The following WNT2B variants were observed in gnomAD, a reference collection of about 807,000 sequenced individuals.
WNT2B encodes the protein protein Wnt-2b.
In WNT2B, 19 loss-of-function variants were observed where a neutral mutation model predicts 40.5. The observed-to-expected ratio is 0.47, with a 90% CI of 0.33 to 0.69. WNT2B has a LOEUF of 0.69. Among genes scored for constraint, WNT2B ranks in the 30% least tolerant of loss-of-function variants. The pLI, the probability that WNT2B is intolerant of heterozygous loss-of-function variation, is 0.02. For missense variants in WNT2B, 467 were observed against 556.4 expected (o/e 0.84, Z 1.62); for synonymous variants, 220 against 211.9 (o/e 1.04, Z -0.33).
rs1349192894 is a variant in WNT2B at position 112,525,822 on chromosome 1, C to T, written c.*5313C>T. The T allele has an allele frequency of 1.5e-6, 1 of 683,698 alleles. No individual in the cohort carries two copies. The highest frequency in any genetic ancestry group is 1.8e-5 in the African/African-American group (1 of 55,846). The allele number at this position is 683,698 out of a possible 1,614,324, so 42.4% of individuals were successfully genotyped here. ...GAAGACAATTTCATCTACAGTTGTC[C>T]TTTTTGACAGCTTCCAAGGGGGGTT... On this transcript the variant is annotated 3_prime_UTR_variant, in exon 5 of 5. Transcript: ENST00000369684.
chr1:112,473,161 AAG>A (rs1190526929), intron 1 of WNT2B, among the ~76,000 whole-genome samples: 11 of 22,284 alleles, frequency 4.9e-4, no homozygotes, highest in East Asian at 5.5e-3. Context: ...AAGGAAAAGA[AAG>A]AGAGGAAGGG....
intron 1 of WNT2B, among the ~76,000 whole-genome samples, chr1:112,492,217 G>A (rs1651624393): frequency 1.3e-5 from 2 of 152,122 alleles, no homozygotes; most frequent in African/African-American, 2.4e-5. Flanking sequence ...CATCGCCCCA[G>A]CCTAACAATA....
At chr1:112,473,836 C>T (rs1650968293) in intron 1 of WNT2B, among the ~76,000 whole-genome samples, 1 of 149,998 alleles carries the variant, frequency 6.7e-6, no homozygotes, top group African/African-American at 2.5e-5. Context: ...GCGGGTGGAT[C>T]ATGAGGTCAG....
chr1:112,472,559 GA>G (rs35939097), intron 1 of WNT2B, among the ~76,000 whole-genome samples: 5,952 of 88,988 alleles, frequency 0.067, 363 homozygotes, highest in African/African-American at 0.2. Context: ...CCCAACCAAT[GA>G]AAAAAAAAAA....
intron 1 of WNT2B, among the ~76,000 whole-genome samples, chr1:112,488,384 C>T (rs182052289): frequency 1.3e-5 from 2 of 152,162 alleles, no homozygotes; most frequent in Admixed American, 6.5e-5. Context: ...ACGATTATGG[C>T]ACCTGAGTCA....
intron 1 of WNT2B, among the ~76,000 whole-genome samples, chr1:112,489,157 G>A (rs565787799): frequency 6.6e-6 from 1 of 152,110 alleles, no homozygotes; most frequent in South Asian, 2.1e-4. Context: ...AAATTGTGGT[G>A]GCTATCACTA....
In WNT2B at chr1:112,515,099, G is replaced by A; in HGVS notation, c.403+5G>A. ...TTGGCCGTGTCATGCTCAGAAGTAA[G>A]AGCCTCTTCCATCCTGTGTCAGCTC... On this transcript the variant is annotated splice_donor_5th_base_variant and intron_variant, in intron 2 of 4. Transcript: ENST00000369684. This position sits in a 1 kb window ranked among gnomAD's most constrained non-coding sequence, Gnocchi z 4.4. The A allele has an allele frequency of 1.2e-6, 2 of 1,613,488 alleles. No individual in the cohort carries two copies. Among genetic ancestry groups the A allele is most frequent in the Non-Finnish European group, 8.5e-7 (1 of 1,179,662 alleles).
At chr1:112,508,892 G>T, upstream of WNT2B, 1 of 1,049,274 alleles carries the variant, frequency 9.5e-7, no homozygotes, top group Non-Finnish European at 1.1e-6. This position sits in a 1 kb window ranked among gnomAD's most constrained non-coding sequence, Gnocchi z 4.2. Context: ...GCCGCCCTAA[G>T]GGCCGCGCGT....
rs1338365349 is a variant in WNT2B at position 112,509,167 on chromosome 1, C to T, written c.-96C>T. On this transcript the variant is annotated 5_prime_UTR_variant, in exon 1 of 5. Transcript: ENST00000369684. This position sits in a 1 kb window ranked among gnomAD's most constrained non-coding sequence, Gnocchi z 4.2. ...CCCCAGCCGCCGGCGAACACCATGGCCCCCCAGGGGGGTGAGGTAGGAGCA... is the reference window on the plus strand; with the variant it reads ...CCCCAGCCGCCGGCGAACACCATGGTCCCCCAGGGGGGTGAGGTAGGAGCA... 3.7e-5 allele frequency: 51 copies of T among 1,385,418 alleles called. No homozygotes were observed. The highest frequency in any genetic ancestry group is 4.6e-5 in the Non-Finnish European group (50 of 1,079,222). The allele number at this position is 1,385,418 out of a possible 1,614,324, so 85.8% of individuals were successfully genotyped here. A position where few individuals can be genotyped will look rare whatever the true frequency, so the allele number is the denominator to read the frequency against.
chr1:112,508,970 C>G lies in WNT2B; in HGVS notation c.-293C>G. Reference sequence around the variant, plus strand: ...CGCGGCCGAAGGGGCTGTCCGCACACTAGGCCCGCAGCTCCCTTCAGCGCC... The same window carrying G: ...CGCGGCCGAAGGGGCTGTCCGCACAGTAGGCCCGCAGCTCCCTTCAGCGCC... On this transcript the variant is annotated 5_prime_UTR_variant, in exon 1 of 5. Transcript: ENST00000369684. The surrounding 1 kb of genome is among the most constrained non-coding windows in gnomAD (Gnocchi z 4.2). 2 of 1,258,934 alleles carry G rather than the reference C, an allele frequency of 1.6e-6. No individual in the cohort carries two copies. The highest frequency in any genetic ancestry group is 2.0e-6 in the Non-Finnish European group (2 of 1,004,596). 78.0% of individuals were successfully genotyped at this position (1,258,934 alleles called of 1,614,324 possible).
intron 1 of WNT2B, among the ~76,000 whole-genome samples, chr1:112,511,248 A>G: frequency 7.1e-6 from 1 of 140,104 alleles, no homozygotes; most frequent in African/African-American, 2.5e-5. Flanking sequence ...CTAGGGAGGG[A>G]GGGAGGGAGG....
chr1:112,521,658 ACT>A lies in WNT2B; in HGVS notation c.*1153_*1154del, dbSNP rs1177699405. ...TTACTCAACAAATCTTTATTTAGTG[ACT>A]CTCCAAGTCCTAGTGATTATTATTA... On this transcript the variant is annotated 3_prime_UTR_variant, in exon 5 of 5. Transcript: ENST00000369684. 2 of 151,736 alleles carry A rather than the reference ACT, an allele frequency of 1.3e-5. No individual in the cohort carries two copies. Among genetic ancestry groups the A allele is most frequent in the African/African-American group, 4.8e-5 (2 of 41,250 alleles). 9.4% of individuals were successfully genotyped at this position (151,736 alleles called of 1,614,324 possible).
chr1:112,511,969 G>A (rs1456224840), intron 1 of WNT2B, among the ~76,000 whole-genome samples: 1 of 152,062 alleles, frequency 6.6e-6, no homozygotes, highest in Non-Finnish European at 1.5e-5. Context: ...GGGATGCTGT[G>A]GCATTAAGAG....
intron 1 of WNT2B, among the ~76,000 whole-genome samples, chr1:112,502,564 G>T (rs1210136667): frequency 6.6e-6 from 1 of 152,224 alleles, no homozygotes; most frequent in Non-Finnish European, 1.5e-5. Flanking sequence ...GGAGGCCTCG[G>T]ACTTGGGGGT....
rs890146277 is a variant in WNT2B, at chr1:112,509,593, G to A, written c.182+149G>A. The A allele has an allele frequency of 1.1e-5, 10 of 925,772 alleles. No individual in the cohort carries two copies. The highest frequency in any genetic ancestry group is 1.3e-5 in the Non-Finnish European group (9 of 676,430). The allele number at this position is 925,772 out of a possible 1,614,324, so 57.3% of individuals were successfully genotyped here. A position where few individuals can be genotyped will look rare whatever the true frequency, so the allele number is the denominator to read the frequency against. On this transcript the variant is annotated intron_variant, in intron 1 of 4. Coordinates refer to ENST00000369684, the MANE Select transcript of WNT2B (RefSeq NM_024494.3). The surrounding 1 kb of genome is among the most constrained non-coding windows in gnomAD (Gnocchi z 4.2). Reference sequence around the variant, plus strand: ...GACTGTCACTGAAATCTGAAGTCGCGGGGTGGCGGGAGGGTGAGGCGCCGC... The same window carrying A: ...GACTGTCACTGAAATCTGAAGTCGCAGGGTGGCGGGAGGGTGAGGCGCCGC...
intron 1 of WNT2B, among the ~76,000 whole-genome samples, chr1:112,499,186 A>G (rs1331970631): frequency 7.0e-6 from 1 of 143,782 alleles, no homozygotes; most frequent in Non-Finnish European, 1.5e-5. Flanking sequence ...AGCCTGGGCG[A>G]CAGAGCAAGA....
At chr1:112,499,534 A>G (rs2101072331) in intron 1 of WNT2B, among the ~76,000 whole-genome samples, 1 of 152,336 alleles carries the variant, frequency 6.6e-6, no homozygotes. Context: ...AACAGTCTAA[A>G]AAGGAAAAAT....
chr1:112,474,004 G>A (rs371860489), intron 1 of WNT2B, among the ~76,000 whole-genome samples: 1 of 146,526 alleles, frequency 6.8e-6, no homozygotes, highest in African/African-American at 2.5e-5. Context: ...GGCAGAGCTT[G>A]CAGTGAGCCA....
At chr1:112,469,447 A>T (rs1184501346) in intron 1 of WNT2B, among the ~76,000 whole-genome samples, 1 of 152,180 alleles carries the variant, frequency 6.6e-6, no homozygotes, top group Admixed American at 6.5e-5. Context: ...AATAATACTA[A>T]TTATACTAGT....
Sources: gnomAD v4.1 joint callset for allele counts (sites outside exome capture counted in the v4.1 genomes callset) on GRCh38, gnomAD v4.1.1 for gene constraint, Gnocchi (gnomAD v3.1) non-coding constraint, MANE v1.5 for transcripts, NCBI Gene and HGNC (gene_info 2026-07-23, HGNC 2026-07-21) for gene names.